BZW2: variants seen among roughly 807,000 people sequenced by gnomAD.
BZW2 encodes basic leucine zipper and W2 domains 2, also known as eIF5-mimic protein 1.
Under a neutral mutation model 53.2 loss-of-function variants are expected in BZW2, and 23 were observed. That is an observed-to-expected ratio of 0.43 (90% CI 0.31 to 0.61). BZW2 has a LOEUF of 0.61. Among genes scored for constraint, BZW2 ranks in the 20% least tolerant of loss-of-function variants. BZW2 has a pLI of 0.09. For missense variants in BZW2, 409 were observed against 503.1 expected (o/e 0.81, Z 1.79); for synonymous variants, 227 against 186.4 (o/e 1.22, Z -1.77).
intron 5 of BZW2, among the ~76,000 whole-genome samples, chr7:16,685,412 GTTT>G (rs553560253): frequency 7.0e-6 from 1 of 141,920 alleles, no homozygotes; most frequent in Admixed American, 7.1e-5. Context: ...ACTCTTTCCT[GTTT>G]TTTTTTTTTG....
intron 4 of BZW2, 67 bp from the exon 5 acceptor site, chr7:16,682,713 G>A (rs1263560068): frequency 3.2e-6 from 3 of 940,290 alleles, no homozygotes; most frequent in South Asian, 1.7e-5. Context: ...TCATTATAGT[G>A]AGTTTCTATT....
chr7:16,683,705 A>G (rs900672941), intron 5 of BZW2, among the ~76,000 whole-genome samples: 3 of 152,190 alleles, frequency 2.0e-5, no homozygotes, highest in East Asian at 1.9e-4. Flanking sequence ...TAACTCCTGT[A>G]TTTATATATG....
chr7:16,683,323 A>G (rs767732468), intron 5 of BZW2, among the ~76,000 whole-genome samples: 2 of 152,384 alleles, frequency 1.3e-5, no homozygotes, highest in Admixed American at 6.5e-5. Context: ...ATGAAAGATC[A>G]TTAGCTAATA....
chr7:16,689,080 G>A (rs1383688057), intron 6 of BZW2, among the ~76,000 whole-genome samples: 2 of 152,070 alleles, frequency 1.3e-5, no homozygotes, highest in Non-Finnish European at 2.9e-5. Context: ...ACAAAAATTA[G>A]CTGGGTGTGG....
Position 16,674,515 on chromosome 7 carries a change from T to C in BZW2, c.162T>C (p.Ser54=). ...DLEAVAKFLD[S]TGSRLDYRRY... is the part of the protein sequence containing the mutation. ...AAGCTGTAGCCAAATTTCTGGACTC[T>C]ACAGGCTCAAGATTAGATTATCGTC... Residue 54 remains serine (S), a synonymous_variant, in exon 3 of 12, where the codon TCT becomes TCC. Transcript: ENST00000258761. 3.1e-6 allele frequency: 5 copies of C among 1,613,102 alleles called. No individual in the cohort carries two copies. Among genetic ancestry groups the C allele is most frequent in the Non-Finnish European group, 4.2e-6 (5 of 1,179,362 alleles).
intron 10 of BZW2, chr7:16,698,408 C>A: frequency 2.2e-6 from 1 of 458,484 alleles, no homozygotes; most frequent in Non-Finnish European, 3.9e-6. Flanking sequence ...CCCCTGGGCA[C>A]TTCTCATTGG....
chr7:16,682,777 T>TA lies in BZW2; in HGVS notation c.340-2dup, dbSNP rs59826374. The TA allele has an allele frequency of 6.4e-7, 1 of 1,551,824 alleles. No homozygotes were observed. The highest frequency in any genetic ancestry group is 8.7e-7 in the Non-Finnish European group (1 of 1,147,320). ...TAATATTTAATGGTTGTTTTTTTTTTAGGTCTTCAATAAACTCATCAGGAG... is the reference window on the plus strand; with the variant it reads ...TAATATTTAATGGTTGTTTTTTTTTTAAGGTCTTCAATAAACTCATCAGGAG... On this transcript the variant is annotated splice_region_variant and splice_polypyrimidine_tract_variant and intron_variant, in intron 4 of 11. Coordinates refer to ENST00000258761, the MANE Select transcript of BZW2 (RefSeq NM_014038.3).
At position 16,706,203 on chromosome 7, in the gene BZW2, G is replaced by T; in HGVS notation, c.*115G>T. 1.7e-6 allele frequency: 2 copies of T among 1,156,634 alleles called. No homozygotes were observed. The highest frequency in any genetic ancestry group is 2.5e-6 in the Non-Finnish European group (2 of 792,084). 71.6% of individuals were successfully genotyped at this position (1,156,634 alleles called of 1,614,324 possible). On this transcript the variant is annotated 3_prime_UTR_variant, in exon 12 of 12. Coordinates refer to ENST00000258761, the MANE Select transcript of BZW2 (RefSeq NM_014038.3). ...TTTTCGCAAAGGAAAAAAAAAATAG[G>T]ATAGGCTTCCCTTGTGCAGAGGGAG...
At chr7:16,651,731 G>A (rs1055485130) in intron 1 of BZW2, among the ~76,000 whole-genome samples, 1 of 152,120 alleles carries the variant, frequency 6.6e-6, no homozygotes, top group Non-Finnish European at 1.5e-5. Context: ...ATGTCCCTAA[G>A]AGGCAATATT....
intron 10 of BZW2, 110 bp from the exon 11 acceptor site, chr7:16,704,437 G>A: frequency 1.7e-6 from 2 of 1,172,846 alleles, no homozygotes; most frequent in Non-Finnish European, 2.3e-6. Flanking sequence ...ATAAGTAACA[G>A]AATGCTTTAT....
intron 1 of BZW2, among the ~76,000 whole-genome samples, chr7:16,653,331 T>C (rs1054378236): frequency 6.6e-6 from 1 of 152,194 alleles, no homozygotes; most frequent in African/African-American, 2.4e-5. Flanking sequence ...TGATTAAAAA[T>C]CCTCTGAAGA....
chr7:16,695,532 C>G (rs963173097), intron 8 of BZW2, among the ~76,000 whole-genome samples: 1 of 152,172 alleles, frequency 6.6e-6, no homozygotes, highest in African/African-American at 2.4e-5. Flanking sequence ...CTGTGTTTCC[C>G]TATAATGTAA....
At position 16,698,191 on chromosome 7, in the gene BZW2, C is replaced by T. The variant is rs933981166; in HGVS notation, c.1108+5C>T. On this transcript the variant is annotated splice_donor_5th_base_variant and intron_variant, in intron 10 of 11. Coordinates refer to ENST00000258761, the MANE Select transcript of BZW2 (RefSeq NM_014038.3). Reference sequence around the variant, plus strand: ...TTGTGGTTCTCTTTTATAAAGGTATCCATCCACGTGCCACTGCTGTGCTTC... The same window carrying T: ...TTGTGGTTCTCTTTTATAAAGGTATTCATCCACGTGCCACTGCTGTGCTTC... The T allele has an allele frequency of 6.2e-7, 1 of 1,613,914 alleles. No individual in the cohort carries two copies. Among genetic ancestry groups the T allele is most frequent in the Admixed American group, 1.7e-5 (1 of 59,998 alleles).
chr7:16,675,296 A>C (rs1782732165), intron 3 of BZW2, among the ~76,000 whole-genome samples: 1 of 152,214 alleles, frequency 6.6e-6, no homozygotes, highest in African/African-American at 2.4e-5. Flanking sequence ...TTCCTAGGCC[A>C]GGAATTTTCA....
chr7:16,706,000 CTT>C, intron 11 of BZW2, 58 bp from the exon 12 acceptor site: 1 of 1,601,340 alleles, frequency 6.2e-7, no homozygotes, highest in Non-Finnish European at 8.6e-7. Context: ...ACTGTAGTAA[CTT>C]TTGACCTTAA....
At chr7:16,693,693 C>T (rs1267684228) in intron 7 of BZW2, among the ~76,000 whole-genome samples, 3 of 152,180 alleles carry the variant, frequency 2.0e-5, no homozygotes, top group Non-Finnish European at 2.9e-5. Flanking sequence ...CCCTTCCCTG[C>T]AGATTTGGAA....
chr7:16,704,608 CAA>C lies in BZW2; in HGVS notation c.1173_1174del (p.Ser392CysfsTer4), dbSNP rs752158770. 1 of 1,596,252 alleles carries C rather than the reference CAA, an allele frequency of 6.3e-7. No homozygotes were observed. Among genetic ancestry groups the C allele is most frequent in the Non-Finnish European group, 8.6e-7 (1 of 1,166,288 alleles). ...WYKEAHVAKG[K>X]SVFLDQMKKF... ...ATAAGGAAGCACATGTTGCTAAAGGCAAAAGTGTTTTTCTTGACCAGATGAAG... is the reference window on the plus strand; with the variant it reads ...ATAAGGAAGCACATGTTGCTAAAGGCAAGTGTTTTTCTTGACCAGATGAAG... On this transcript the variant is annotated frameshift_variant, in exon 11 of 12. Transcript: ENST00000258761. LOFTEE classifies it high-confidence loss of function.
intron 1 of BZW2, among the ~76,000 whole-genome samples, chr7:16,663,871 C>T (rs559186846): frequency 1.1e-4 from 16 of 152,256 alleles, no homozygotes; most frequent in Non-Finnish European, 2.1e-4. Flanking sequence ...GCAGGCCTTA[C>T]ATTTTTTCAA....
intron 10 of BZW2, among the ~76,000 whole-genome samples, chr7:16,703,607 G>C (rs1783742150): frequency 6.6e-6 from 1 of 152,040 alleles, no homozygotes; most frequent in South Asian, 2.1e-4. Context: ...AATAATAAAT[G>C]CTTTGTACCT....
Sources: allele counts gnomAD v4.1 joint callset (sites outside exome capture counted in the v4.1 genomes callset), GRCh38; gene constraint gnomAD v4.1.1; transcripts MANE v1.5; gene names NCBI Gene and HGNC (gene_info 2026-07-23, HGNC 2026-07-21).